GRIN2A: variants seen among roughly 807,000 people sequenced by gnomAD.
The protein encoded by GRIN2A is glutamate receptor ionotropic, NMDA 2A.
A neutral mutation model predicts 113.4 loss-of-function variants in GRIN2A; 22 were observed. The ratio of observed to expected loss-of-function variants is 0.19; its 90% CI spans 0.14 to 0.28. The LOEUF is 0.28. Among genes scored for constraint, GRIN2A ranks in the 10% least tolerant of loss-of-function variants. GRIN2A has a pLI of 1.00. For missense variants in GRIN2A, 1,502 were observed against 1,887.0 expected (o/e 0.80, Z 3.78); for synonymous variants, 827 against 738.4 (o/e 1.12, Z -1.94).
At chr16:10,167,405 T>C (rs1039589932) in intron 2 of GRIN2A, among the ~76,000 whole-genome samples, 3 of 152,218 alleles carry the variant, frequency 2.0e-5, no homozygotes, top group Non-Finnish European at 2.9e-5. Context: ...AGTTTATTTT[T>C]GTTTTGGCAA....
chr16:9,800,876 T>G (rs924068451), intron 10 of GRIN2A, among the ~76,000 whole-genome samples: 26 of 152,190 alleles, frequency 1.7e-4, no homozygotes, highest in African/African-American at 5.8e-4. Context: ...TAGTGAGACC[T>G]GCAGAAATAT....
At position 10,181,941 on chromosome 16, in the gene GRIN2A, C is replaced by T. The variant is rs2050280959; in HGVS notation, c.-83G>A. On this transcript the variant is annotated 5_prime_UTR_variant, in exon 1 of 13. An upstream open reading frame in the 5' UTR loses its in-frame stop. Transcript: ENST00000330684. ...GCGCGCACGAGCATCTCGGCCGCCT[C>T]AGCAGCCACCGGGTTTAGCGGGTTC... 1 of 152,826 alleles carries T rather than the reference C, an allele frequency of 6.5e-6. No homozygotes were observed. The highest frequency in any genetic ancestry group is 1.5e-5 in the Non-Finnish European group (1 of 68,174). 9.5% of individuals were successfully genotyped at this position (152,826 alleles called of 1,614,324 possible).
At chr16:9,918,141 T>A (rs1359814033) in intron 3 of GRIN2A, among the ~76,000 whole-genome samples, 1 of 152,218 alleles carries the variant, frequency 6.6e-6, no homozygotes, top group Non-Finnish European at 1.5e-5. Context: ...TCTATTTTAC[T>A]GATGACAAAA....
At chr16:9,801,246 A>G (rs1185722106) in intron 10 of GRIN2A, among the ~76,000 whole-genome samples, 1 of 152,218 alleles carries the variant, frequency 6.6e-6, no homozygotes, top group Non-Finnish European at 1.5e-5. Flanking sequence ...GATACTTGCA[A>G]CGTCAATACT....
chr16:9,858,244 C>G (rs747637042), intron 4 of GRIN2A, among the ~76,000 whole-genome samples: 1 of 152,126 alleles, frequency 6.6e-6, no homozygotes, highest in African/African-American at 2.4e-5. Flanking sequence ...GTGGGGATGG[C>G]ATTGCTTGAG....
chr16:9,868,120 T>G (rs931044264), intron 4 of GRIN2A, among the ~76,000 whole-genome samples: 1 of 152,102 alleles, frequency 6.6e-6, no homozygotes, highest in Non-Finnish European at 1.5e-5. Context: ...TATTTGAACA[T>G]TTTTTACTGC....
rs1596540926 is a variant in GRIN2A, at chr16:10,134,307, A to T, written c.414+45691T>A. Among the ~76,000 whole-genome samples the T allele has an allele frequency of 2.0e-5, 3 of 151,736 alleles. No individual in the cohort carries two copies. In the South Asian group the frequency reaches 6.2e-4, roughly 32 times the overall value. On this transcript the variant is annotated intron_variant, in intron 2 of 12. Transcript: ENST00000330684. Reference sequence around the variant, plus strand: ...CTCTGTCCTTTGAGCTTGAGGCTCTACCCTCTGAGTAACCAGTCCTTTCTC... The same window carrying T: ...CTCTGTCCTTTGAGCTTGAGGCTCTTCCCTCTGAGTAACCAGTCCTTTCTC...
At position 10,180,001 on chromosome 16, in the gene GRIN2A, G is replaced by T; in HGVS notation, c.411C>A (p.Asp137Glu). The T allele has an allele frequency of 6.2e-7, 1 of 1,613,898 alleles. No homozygotes were observed. Among genetic ancestry groups the T allele is most frequent in the Non-Finnish European group, 8.5e-7 (1 of 1,179,884 alleles). ...GGGCATCAGTTTCCGGCCTTACCTT[G>T]TCAGCCATGATCATAGATGCGCCCC... ...IHGGASMIMA[D>E]KDPTSTFFQF... The change falls in exon 2 of 13, where the codon GAC (aspartate) becomes GAA (glutamate). Residue 137 changes from aspartate (D) to glutamate (E), a missense_variant. Coordinates refer to ENST00000330684, the MANE Select transcript of GRIN2A (RefSeq NM_001134407.3). This position sits in a 1 kb window ranked among gnomAD's most constrained non-coding sequence, Gnocchi z 7.0.
intron 2 of GRIN2A, among the ~76,000 whole-genome samples, chr16:9,948,067 C>A (rs2045065282): frequency 6.6e-6 from 1 of 152,166 alleles, no homozygotes; most frequent in Admixed American, 6.5e-5. Context: ...GGCAAAGGAG[C>A]TCTTATCGCG....
At chr16:9,866,121 C>T (rs1459462507) in intron 4 of GRIN2A, among the ~76,000 whole-genome samples, 2 of 152,164 alleles carry the variant, frequency 1.3e-5, no homozygotes, top group Non-Finnish European at 2.9e-5. Context: ...GTAAAGGATC[C>T]ACTCACCAGT....
At chr16:9,926,354 C>T (rs987907347) in intron 3 of GRIN2A, among the ~76,000 whole-genome samples, 9 of 152,260 alleles carry the variant, frequency 5.9e-5, no homozygotes, top group African/African-American at 2.2e-4. Context: ...AGATTAGAGG[C>T]GCCTCTCCAA....
Position 10,020,611 on chromosome 16 carries a change from G to C in GRIN2A, c.415-82060C>G, listed in dbSNP as rs546488434. On this transcript the variant is annotated intron_variant, in intron 2 of 12. Transcript: ENST00000330684. Reference sequence around the variant, plus strand: ...AGGAGAACATGAACTCTGGATTCAAGAGAGTCATACTAGCTATACGATACA... The same window carrying C: ...AGGAGAACATGAACTCTGGATTCAACAGAGTCATACTAGCTATACGATACA... Among the ~76,000 whole-genome samples the C allele has an allele frequency of 3.9e-5, 6 of 152,240 alleles. No individual in the cohort carries two copies. The South Asian group carries it at 1.2e-3, about 32-fold the overall frequency.
At chr16:9,997,249 C>G (rs1338522783) in intron 2 of GRIN2A, among the ~76,000 whole-genome samples, 1 of 152,130 alleles carries the variant, frequency 6.6e-6, no homozygotes, top group African/African-American at 2.4e-5. Context: ...CAGCTTATGA[C>G]AACAGGGAAA....
chr16:10,090,343 C>T (rs1261449650), intron 2 of GRIN2A, among the ~76,000 whole-genome samples: 1 of 151,996 alleles, frequency 6.6e-6, no homozygotes, highest in African/African-American at 2.4e-5. Context: ...GGGAAAGAGA[C>T]AAATCACTGG....
chr16:9,770,009 G>T (rs561945532), intron 11 of GRIN2A, among the ~76,000 whole-genome samples: 44 of 152,184 alleles, frequency 2.9e-4, no homozygotes, highest in Non-Finnish European at 5.6e-4. Flanking sequence ...GGCAATTAAA[G>T]AACCAGGTGG....
At chr16:10,056,640 G>C (rs924504562) in intron 2 of GRIN2A, among the ~76,000 whole-genome samples, 1 of 152,098 alleles carries the variant, frequency 6.6e-6, no homozygotes, top group Non-Finnish European at 1.5e-5. Context: ...CCAATGACTG[G>C]TGTCCTGAAG....
chr16:9,864,855 T>C (rs1273476744), intron 4 of GRIN2A, among the ~76,000 whole-genome samples: 1 of 152,076 alleles, frequency 6.6e-6, no homozygotes, highest in Non-Finnish European at 1.5e-5. Context: ...AATAATAAAT[T>C]TAAGTTTTTG....
chr16:9,892,704 CA>C (rs1352304419), intron 3 of GRIN2A, among the ~76,000 whole-genome samples: 1 of 152,154 alleles, frequency 6.6e-6, no homozygotes, highest in Non-Finnish European at 1.5e-5. Flanking sequence ...AGAGCCAAGG[CA>C]GACTTCATCT....
At chr16:9,779,296 T>C (rs746580928) in intron 11 of GRIN2A, among the ~76,000 whole-genome samples, 1 of 152,262 alleles carries the variant, frequency 6.6e-6, no homozygotes. Context: ...CAGTTCTACA[T>C]GCCAAGAAAT....
Sources: gnomAD v4.1 joint callset for allele counts (sites outside exome capture counted in the v4.1 genomes callset) on GRCh38, gnomAD v4.1.1 for gene constraint, Gnocchi (gnomAD v3.1) non-coding constraint, MANE v1.5 for transcripts, NCBI Gene and HGNC (gene_info 2026-07-23, HGNC 2026-07-21) for gene names.